COL16A1: variants seen among roughly 807,000 people sequenced by gnomAD.
The protein encoded by COL16A1 is collagen type XVI alpha 1 chain.
A neutral mutation model predicts 266.3 loss-of-function variants in COL16A1; 189 were observed. That is an observed-to-expected ratio of 0.71 (90% CI 0.63 to 0.80). The LOEUF is 0.80. Among genes scored for constraint, COL16A1 ranks in the 30% least tolerant of loss-of-function variants. The pLI, the probability that COL16A1 is intolerant of heterozygous loss-of-function variation, is 0.00. For synonymous variants in COL16A1, 740 were observed against 782.3 expected (o/e 0.95, Z 0.90); for missense variants, 1,928 against 2,122.4 (o/e 0.91, Z 1.80).
At position 31,656,579 on chromosome 1, in the gene COL16A1, G is replaced by A. The variant is rs1054451317; in HGVS notation, c.4057-135C>T. ...GTCCAGCCCAGCTCTGTGTGAGAAAGGAGCGCAGCCTCCCTGCCCAGCTGG... is the reference window on the plus strand; with the variant it reads ...GTCCAGCCCAGCTCTGTGTGAGAAAAGAGCGCAGCCTCCCTGCCCAGCTGG... On this transcript the variant is annotated intron_variant, in intron 65 of 70. Transcript: ENST00000373672. The surrounding 1 kb of genome is among the most constrained non-coding windows in gnomAD (Gnocchi z 4.2). 6 of 1,372,326 alleles carry A rather than the reference G, an allele frequency of 4.4e-6. No individual in the cohort carries two copies. Among genetic ancestry groups the A allele is most frequent in the African/African-American group, 1.5e-5 (1 of 67,798 alleles). The allele number at this position is 1,372,326 out of a possible 1,614,324, so 85.0% of individuals were successfully genotyped here. A position where few individuals can be genotyped will look rare whatever the true frequency, so the allele number is the denominator to read the frequency against.
intron 60 of COL16A1, 128 bp downstream of exon 60, chr1:31,661,271 CCCAGTCTGCCAGGCA>C (rs1641636974): frequency 6.6e-7 from 1 of 1,508,766 alleles, no homozygotes; most frequent in Non-Finnish European, 9.0e-7. Flanking sequence ...GAAGCCCTGA[CCCAGTCTGCCAGGCA>C]CCAGTGGCCC....
chr1:31,691,164 G>C (rs759031869), intron 20 of COL16A1, 24 bp downstream of exon 20: 5 of 1,611,698 alleles, frequency 3.1e-6, no homozygotes, highest in African/African-American at 1.3e-5. Flanking sequence ...CTCCCCACGT[G>C]ACCACACTCC....
chr1:31,673,133 C>T, intron 44 of COL16A1: 1 of 465,218 alleles, frequency 2.1e-6, no homozygotes, highest in Non-Finnish European at 4.0e-6. Flanking sequence ...GCAGAGGGAC[C>T]ATCTGTCCCG....
In COL16A1 at chr1:31,655,359, C is replaced by T. The variant is rs34811700; in HGVS notation, c.4245G>A (p.Pro1415=). Residue 1415 remains proline, a synonymous_variant, in exon 67 of 71, where the codon CCG becomes CCA. Transcript: ENST00000373672. The part of the protein sequence containing the change: ...PAGERGHPGA[P]GPSGSPGLPG... ...GCAAGCCAGGGCTCCCCGAAGGCCCCGGAGCTCCAGGGTGGCCTCTCTCTC... is the reference window on the plus strand; with the variant it reads ...GCAAGCCAGGGCTCCCCGAAGGCCCTGGAGCTCCAGGGTGGCCTCTCTCTC... 3,249 of 1,613,862 alleles carry T rather than the reference C, an allele frequency of 2.0e-3. 2 individuals are homozygous for T. The highest frequency in any genetic ancestry group is 2.6e-3 in the Non-Finnish European group (3,027 of 1,179,932).
chr1:31,685,880 C>G lies in COL16A1; in HGVS notation c.1885-110G>C. 6.5e-7 allele frequency: 1 copy of G among 1,544,192 alleles called. No homozygotes were observed. The highest frequency in any genetic ancestry group is 8.8e-7 in the Non-Finnish European group (1 of 1,137,640). On this transcript the variant is annotated intron_variant, in intron 28 of 70. Coordinates refer to ENST00000373672, the MANE Select transcript of COL16A1 (RefSeq NM_001856.4). The surrounding 1 kb of genome is among the most constrained non-coding windows in gnomAD (Gnocchi z 4.0). ...CACTGGGTCTGACACTGCACCTCTG[C>G]TGGGTGAGGGGTTATCTTGGGAAAG...
Position 31,685,632 on chromosome 1 carries a change from A to T in COL16A1, c.2016+7T>A. The T allele has an allele frequency of 6.2e-7, 1 of 1,604,782 alleles. No homozygotes were observed. The highest frequency in any genetic ancestry group is 8.5e-7 in the Non-Finnish European group (1 of 1,177,172). On this transcript the variant is annotated splice_region_variant and intron_variant, in intron 29 of 70. Transcript: ENST00000373672. The surrounding 1 kb of genome is among the most constrained non-coding windows in gnomAD (Gnocchi z 4.0). The stretch of plus-strand genomic sequence containing the variant: ...GTCCAGAGGCCCCTGCCTATATCCC[A>T]CCTCACCTGTTTTCCTGGCAAGCCA...
intron 2 of COL16A1, chr1:31,701,554 G>T: frequency 1.0e-6 from 1 of 985,376 alleles, no homozygotes; most frequent in Non-Finnish European, 1.2e-6. Flanking sequence ...CCCTGGCTTT[G>T]GGCCCTGGAA....
intron 66 of COL16A1, chr1:31,655,779 G>A (rs1641085493): frequency 2.1e-6 from 1 of 482,494 alleles, no homozygotes; most frequent in Non-Finnish European, 3.6e-6. Context: ...TCATTATGTG[G>A]TCCTGATCGT....
rs754981403 is a variant in COL16A1, at chr1:31,688,123, G to A, written c.1803+344C>T. Among the ~76,000 whole-genome samples, 1 of 152,130 alleles carries A rather than the reference G, an allele frequency of 6.6e-6. No homozygotes were observed. Among genetic ancestry groups the A allele is most frequent in the Non-Finnish European group, 1.5e-5 (1 of 68,032 alleles). ...AGCACATACCCCATAAACTCTGGGA[G>A]GACAAAACAAGTGAATATACTTACA... On this transcript the variant is annotated intron_variant, in intron 26 of 70. Coordinates refer to ENST00000373672, the MANE Select transcript of COL16A1 (RefSeq NM_001856.4). This position sits in a 1 kb window ranked among gnomAD's most constrained non-coding sequence, Gnocchi z 4.9.
At chr1:31,701,970 A>G in intron 2 of COL16A1, 151 bp downstream of exon 2, 1 of 1,178,482 alleles carries the variant, frequency 8.5e-7, no homozygotes, top group South Asian at 1.4e-5. Flanking sequence ...CAAGGGTGCC[A>G]ACACCTCAGA....
chr1:31,702,815 A>G (rs1644768677), intron 1 of COL16A1, among the ~76,000 whole-genome samples: 1 of 152,090 alleles, frequency 6.6e-6, no homozygotes, highest in Non-Finnish European at 1.5e-5. Context: ...CTTTCCCCAT[A>G]GGTATAGTGG....
Position 31,697,769 on chromosome 1 carries a change from G to T in COL16A1, c.657+137C>A. ...CTTGAATGCCAGGTGAATATGTTTA[G>T]GCTGCATTTGGAGGGCAACAGGAAA... On this transcript the variant is annotated intron_variant, in intron 6 of 70. Transcript: ENST00000373672. This position sits in a 1 kb window ranked among gnomAD's most constrained non-coding sequence, Gnocchi z 4.2. 2 of 1,036,340 alleles carry T rather than the reference G, an allele frequency of 1.9e-6. No homozygotes were observed. Among genetic ancestry groups the T allele is most frequent in the Non-Finnish European group, 2.8e-6 (2 of 711,066 alleles). 64.2% of individuals were successfully genotyped at this position (1,036,340 alleles called of 1,614,324 possible). A position where few individuals can be genotyped will look rare whatever the true frequency, so the allele number is the denominator to read the frequency against.
At position 31,652,316 on chromosome 1, in the gene COL16A1, C is replaced by A; in HGVS notation, c.*335G>T. The A allele has an allele frequency of 5.8e-6, 1 of 172,556 alleles. No homozygotes were observed. Among genetic ancestry groups the A allele is most frequent in the Non-Finnish European group, 1.2e-5 (1 of 81,592 alleles). 10.7% of individuals were successfully genotyped at this position (172,556 alleles called of 1,614,324 possible). A position where few individuals can be genotyped will look rare whatever the true frequency, so the allele number is the denominator to read the frequency against. ...ACTGAGTCTCATTATGTTGCTTAGA[C>A]TGGTCTCAAACTCCTGGGCTCAGGC... On this transcript the variant is annotated 3_prime_UTR_variant, in exon 71 of 71. Coordinates refer to ENST00000373672, the MANE Select transcript of COL16A1 (RefSeq NM_001856.4). This position sits in a 1 kb window ranked among gnomAD's most constrained non-coding sequence, Gnocchi z 4.8.
At chr1:31,680,406 G>T (rs1265537085) in intron 39 of COL16A1, among the ~76,000 whole-genome samples, 1 of 152,200 alleles carries the variant, frequency 6.6e-6, no homozygotes, top group Non-Finnish European at 1.5e-5. Context: ...ACAGTCGTCA[G>T]TTATAACCTT....
rs1643933615 is a variant in COL16A1, at chr1:31,685,651, C to A, written c.2004G>T (p.Leu668Phe). 1.2e-6 allele frequency: 2 copies of A among 1,613,814 alleles called. No homozygotes were observed. Among genetic ancestry groups the A allele is most frequent in the Non-Finnish European group, 8.5e-7 (1 of 1,179,962 alleles). ...KGEPGPPGFG[L>F]PGKQGKAGER... is the part of the protein sequence containing the mutation. ...TATCCCACCTCACCTGTTTTCCTGG[C>A]AAGCCAAAGCCTGGAGGCCCAGGTT... Residue 668 changes from leucine (L) to phenylalanine (F), a missense_variant, in exon 29 of 71, where the codon TTG (leucine) becomes TTT (phenylalanine). Leu to Phe is a conservative substitution (Grantham distance 22). This residue lies in a region of COL16A1 where 1,552 missense variants were observed against 1,637.2 expected (regional missense o/e 0.95). Coordinates refer to ENST00000373672, the MANE Select transcript of COL16A1 (RefSeq NM_001856.4). The surrounding 1 kb of genome is among the most constrained non-coding windows in gnomAD (Gnocchi z 4.0).
At chr1:31,659,414 G>A (rs954337620) in intron 62 of COL16A1, among the ~76,000 whole-genome samples, 1 of 152,160 alleles carries the variant, frequency 6.6e-6, no homozygotes, top group Non-Finnish European at 1.5e-5. Flanking sequence ...CACTGACCCC[G>A]ACATCCATAG....
intron 42 of COL16A1, among the ~76,000 whole-genome samples, chr1:31,678,247 G>C (rs1201177091): frequency 6.6e-6 from 1 of 152,194 alleles, no homozygotes; most frequent in Non-Finnish European, 1.5e-5. Flanking sequence ...GCAAGGAGGA[G>C]TAGCTTGTAA....
chr1:31,672,350 CAAGAGGTCT>C, intron 47 of COL16A1, 57 bp downstream of exon 47: 1 of 1,588,916 alleles, frequency 6.3e-7, no homozygotes, highest in African/African-American at 1.3e-5. Context: ...CGGAGGCCCC[CAAGAGGTCT>C]CAAAGGCAGA....
rs1640735316 is a variant in COL16A1 at position 31,652,747 on chromosome 1, G to C, written c.4719C>G (p.Gly1573=). Residue 1573 remains glycine (G), a synonymous_variant, in exon 71 of 71, where the codon GGC becomes GGG. Coordinates refer to ENST00000373672, the MANE Select transcript of COL16A1 (RefSeq NM_001856.4). The surrounding 1 kb of genome is among the most constrained non-coding windows in gnomAD (Gnocchi z 4.8). ...PGPPGPMGQP[G]KAGHCNPSDC... ...CAGAGGGATTACAGTGGCCAGCCTT[G>C]CCTGGCTGGCCCATGGGACCCGGGG... is the stretch of plus-strand genomic sequence containing the variant. The C allele has an allele frequency of 1.2e-6, 2 of 1,604,214 alleles. No homozygotes were observed. Among genetic ancestry groups the C allele is most frequent in the Non-Finnish European group, 1.7e-6 (2 of 1,177,198 alleles).
Sources: gnomAD v4.1 joint callset for allele counts (sites outside exome capture counted in the v4.1 genomes callset) on GRCh38, gnomAD v4.1.1 for gene constraint, gnomAD v4.1.1 regional missense constraint, Gnocchi (gnomAD v3.1) non-coding constraint, MANE v1.5 for transcripts, NCBI Gene and HGNC (gene_info 2026-07-23, HGNC 2026-07-21) for gene names.